Variants in VWA8 observed in about 807,000 individuals in gnomAD.
The protein encoded by VWA8 is von Willebrand factor A domain containing 8.
A neutral mutation model predicts 241.5 loss-of-function variants in VWA8; 221 were observed. The ratio of observed to expected loss-of-function variants is 0.91; its 90% CI spans 0.82 to 1.02. The LOEUF (loss-of-function observed/expected upper bound fraction) is 1.02. Among genes scored for constraint, VWA8 ranks in the 50% least tolerant of loss-of-function variants. VWA8 has a pLI of 0.00. For synonymous variants in VWA8, 852 were observed against 827.1 expected (o/e 1.03, Z -0.52); for missense variants, 2,322 against 2,328.7 (o/e 1.00, Z 0.06).
intron 26 of VWA8, among the ~76,000 whole-genome samples, chr13:41,708,896 G>T (rs1456424071): frequency 6.6e-6 from 1 of 152,178 alleles, no homozygotes; most frequent in Non-Finnish European, 1.5e-5. Context: ...CACAGAAGTT[G>T]CCAGACTAGT....
chr13:41,957,065 A>AC (rs1403677679), intron 1 of VWA8, among the ~76,000 whole-genome samples: 1 of 152,118 alleles, frequency 6.6e-6, no homozygotes, highest in East Asian at 1.9e-4. Context: ...ACATGGTGAA[A>AC]CCCCATCTCT....
rs796660719 is a variant in VWA8, at chr13:41,898,876, GT to G, written c.484-7290del. On this transcript the variant is annotated intron_variant, in intron 4 of 44. Coordinates refer to ENST00000379310, the MANE Select transcript of VWA8 (RefSeq NM_015058.2). ...GCAGGGCCGGCCGGCTGCTCCGAGTGTGGGCCCGCCAAGCCCACGCCCACCC... is the reference window on the plus strand; with the variant it reads ...GCAGGGCCGGCCGGCTGCTCCGAGTGGGGCCCGCCAAGCCCACGCCCACCC... Among the ~76,000 whole-genome samples the G allele has an allele frequency of 1.4e-4, 21 of 146,090 alleles. 1 individual carries two copies. The South Asian group carries it at 4.6e-3, about 32-fold the overall frequency.
At chr13:41,573,123 AAAAAG>A (rs2044321010) in intron 43 of VWA8, among the ~76,000 whole-genome samples, 1 of 150,342 alleles carries the variant, frequency 6.7e-6, no homozygotes, top group Admixed American at 6.6e-5. Flanking sequence ...AAAAAAAAAA[AAAAAG>A]AAACAAGCCA....
intron 40 of VWA8, among the ~76,000 whole-genome samples, chr13:41,596,788 TACACACACACACACACACACAC>T (rs142774673): frequency 2.9e-5 from 4 of 136,930 alleles, no homozygotes; most frequent in African/African-American, 5.4e-5. Context: ...AACCAGAAAG[TACACACACACACACACACACAC>T]ACACACACAC....
At chr13:41,924,343 G>A (rs1323791953) in intron 2 of VWA8, among the ~76,000 whole-genome samples, 1 of 141,856 alleles carries the variant, frequency 7.0e-6, no homozygotes, top group Non-Finnish European at 1.5e-5. Flanking sequence ...TAGCTCTTCT[G>A]AAATTACCCA....
At chr13:41,724,345 C>T (rs998791158) in intron 24 of VWA8, among the ~76,000 whole-genome samples, 11 of 151,884 alleles carry the variant, frequency 7.2e-5, no homozygotes, top group Non-Finnish European at 1.2e-4. Context: ...AGCAATAGAT[C>T]GCAAAAAGAG....
At chr13:41,871,093 A>C (rs1285786853) in intron 9 of VWA8, among the ~76,000 whole-genome samples, 1 of 152,116 alleles carries the variant, frequency 6.6e-6, no homozygotes, top group African/African-American at 2.4e-5. Context: ...CCTTCAGCAA[A>C]TCATAATGAT....
chr13:41,751,776 T>C (rs2045658020), intron 21 of VWA8, among the ~76,000 whole-genome samples: 2 of 152,296 alleles, frequency 1.3e-5, no homozygotes, highest in South Asian at 4.1e-4. Flanking sequence ...AATGCAATAT[T>C]TTAATGACCT....
intron 1 of VWA8, among the ~76,000 whole-genome samples, chr13:41,958,201 C>T (rs568450138): frequency 1.3e-5 from 2 of 152,252 alleles, no homozygotes; most frequent in African/African-American, 4.8e-5. Context: ...ACCTATTTTC[C>T]TTCTGCTTAT....
intron 44 of VWA8, among the ~76,000 whole-genome samples, chr13:41,569,738 G>GTAAT (rs1459241520): frequency 6.7e-6 from 1 of 150,096 alleles, no homozygotes; most frequent in African/African-American, 2.5e-5. Context: ...CTTTCTGTTT[G>GTAAT]TAATTCAAAA....
At chr13:41,804,790 A>G (rs1870112592) in intron 17 of VWA8, among the ~76,000 whole-genome samples, 1 of 152,210 alleles carries the variant, frequency 6.6e-6, no homozygotes, top group Non-Finnish European at 1.5e-5. Context: ...GTTAGAGTGT[A>G]GAGTTTTTAT....
chr13:41,614,163 G>A (rs1409027984), intron 38 of VWA8, among the ~76,000 whole-genome samples: 3 of 152,220 alleles, frequency 2.0e-5, no homozygotes, highest in African/African-American at 4.8e-5. Context: ...GAGTAGGCAA[G>A]AAGTCCACAG....
chr13:41,851,396 T>C (rs1339414236), intron 12 of VWA8, among the ~76,000 whole-genome samples: 1 of 152,234 alleles, frequency 6.6e-6, no homozygotes, highest in African/African-American at 2.4e-5. Context: ...ATTTACATTA[T>C]TGCAAATGAC....
chr13:41,886,899 T>C (rs1260509921), intron 6 of VWA8, 69 bp from the exon 7 acceptor site: 47 of 1,248,818 alleles, frequency 3.8e-5, no homozygotes, highest in Non-Finnish European at 5.2e-5. Flanking sequence ...AAATGTTTTG[T>C]AGATACAATC....
chr13:41,889,953 T>C (rs1403916270), intron 5 of VWA8, among the ~76,000 whole-genome samples: 1 of 152,188 alleles, frequency 6.6e-6, no homozygotes, highest in Non-Finnish European at 1.5e-5. Flanking sequence ...TTTTAAAAAA[T>C]AAAGTTAAAA....
chr13:41,946,721 T>C (rs539776232), intron 2 of VWA8, among the ~76,000 whole-genome samples: 1 of 151,776 alleles, frequency 6.6e-6, no homozygotes, highest in Non-Finnish European at 1.5e-5. Flanking sequence ...CAGAGGCATT[T>C]AGGGGGTAGA....
intron 30 of VWA8, among the ~76,000 whole-genome samples, chr13:41,692,220 T>A (rs2045183041): frequency 6.6e-6 from 1 of 152,194 alleles, no homozygotes; most frequent in South Asian, 2.1e-4. Context: ...TGATTAACCA[T>A]GGAATTTACA....
intron 37 of VWA8, among the ~76,000 whole-genome samples, chr13:41,664,519 A>G (rs1421788830): frequency 1.3e-5 from 2 of 151,954 alleles, no homozygotes; most frequent in East Asian, 1.9e-4. Context: ...TAAGTAAAAA[A>G]AGCAGACTTT....
chr13:41,729,476 G>T, intron 23 of VWA8, 66 bp downstream of exon 23: 1 of 1,447,556 alleles, frequency 6.9e-7, no homozygotes, highest in Non-Finnish European at 9.2e-7. Flanking sequence ...AGCTAAGTTT[G>T]TGATTTGATA....
Sources: allele counts gnomAD v4.1 joint callset (sites outside exome capture counted in the v4.1 genomes callset), GRCh38; gene constraint gnomAD v4.1.1; transcripts MANE v1.5; gene names NCBI Gene and HGNC (gene_info 2026-07-23, HGNC 2026-07-21).